Variants in MALSU1 observed in about 807,000 individuals in gnomAD.
MALSU1 encodes the protein mitochondrial assembly of ribosomal large subunit 1.
Under a neutral mutation model 22.1 loss-of-function variants are expected in MALSU1, and 22 were observed. The observed-to-expected ratio is 1.00, with a 90% CI of 0.71 to 1.42. MALSU1 has a LOEUF of 1.42. Among genes scored for constraint, MALSU1 ranks in the 40% most tolerant of loss-of-function variants. MALSU1 has a pLI of 0.00. For synonymous variants in MALSU1, 153 were observed against 118.5 expected (o/e 1.29, Z -1.89); for missense variants, 379 against 308.3 (o/e 1.23, Z -1.72).
chr7:23,303,086 G>T (rs1460831179), intron 2 of MALSU1, among the ~76,000 whole-genome samples: 1 of 152,150 alleles, frequency 6.6e-6, no homozygotes, highest in Non-Finnish European at 1.5e-5. Flanking sequence ...AAACTGTGTT[G>T]TTCAGTAGCT....
intron 3 of MALSU1, among the ~76,000 whole-genome samples, chr7:23,308,233 G>C (rs917393315): frequency 2.0e-5 from 3 of 152,184 alleles, no homozygotes; most frequent in African/African-American, 7.2e-5. Flanking sequence ...CAGGAAGGTG[G>C]TGGACAACAG....
rs562118736 is a variant in MALSU1, at chr7:23,303,838, G to T, written c.435+2821G>T. ...GAAAAAAAAAAAAAAAAAAGGCTGG[G>T]TTCACACTTGTAATCCCAGCACTTT... On this transcript the variant is annotated intron_variant, in intron 2 of 3. Transcript: ENST00000466681. Among the ~76,000 whole-genome samples, 3 of 151,066 alleles carry T rather than the reference G, an allele frequency of 2.0e-5. No individual in the cohort carries two copies. The East Asian group carries it at 5.8e-4, about 29-fold the overall frequency.
chr7:23,305,976 C>T (rs978167034), intron 2 of MALSU1, among the ~76,000 whole-genome samples: 56 of 152,280 alleles, frequency 3.7e-4, no homozygotes, highest in Non-Finnish European at 6.6e-4. Flanking sequence ...AGGCAGATCA[C>T]CTGAGATCGG....
At chr7:23,308,423 C>G (rs926179119) in intron 3 of MALSU1, among the ~76,000 whole-genome samples, 2 of 152,156 alleles carry the variant, frequency 1.3e-5, no homozygotes, top group African/African-American at 4.8e-5. Flanking sequence ...AGTTTCAAAG[C>G]ACCTCCCAAC....
chr7:23,309,746 A>AACTT lies in MALSU1; in HGVS notation c.*205_*208dup, dbSNP rs1313546391. On this transcript the variant is annotated 3_prime_UTR_variant, in exon 4 of 4. Coordinates refer to ENST00000466681, the MANE Select transcript of MALSU1 (RefSeq NM_138446.2). ...CCAAAAATCAGTACATTCTACCCAA[A>AACTT]ACTTATGACACGCTGCCTTTATCCT... The AACTT allele has an allele frequency of 1.4e-5, 5 of 354,126 alleles. No individual in the cohort carries two copies. The highest frequency in any genetic ancestry group is 4.4e-5 in the East Asian group (1 of 22,478). The allele number at this position is 354,126 out of a possible 1,614,324, so 21.9% of individuals were successfully genotyped here. A position where few individuals can be genotyped will look rare whatever the true frequency, so the allele number is the denominator to read the frequency against.
Position 23,310,357 on chromosome 7 carries a change from C to G in MALSU1, c.*814C>G, listed in dbSNP as rs1783794629. ...TATTTCTTAGCTAGTACCAGATACT[C>G]CAAATTACAAATGCTTAAGTAAAAG... On this transcript the variant is annotated 3_prime_UTR_variant, in exon 4 of 4. Transcript: ENST00000466681. 6.6e-6 allele frequency: 1 copy of G among 152,054 alleles called. No individual in the cohort carries two copies. The highest frequency in any genetic ancestry group is 1.5e-5 in the Non-Finnish European group (1 of 68,022). The allele number at this position is 152,054 out of a possible 1,614,324, so 9.4% of individuals were successfully genotyped here. A position where few individuals can be genotyped will look rare whatever the true frequency, so the allele number is the denominator to read the frequency against.
At chr7:23,307,822 TTCCCCCA>T in intron 2 of MALSU1, 39 bp from the exon 3 acceptor site, 1 of 1,254,294 alleles carries the variant, frequency 8.0e-7, no homozygotes, top group Non-Finnish European at 1.1e-6. Flanking sequence ...AAGAACAGGC[TTCCCCCA>T]TCCCCTCTCC....
intron 2 of MALSU1, among the ~76,000 whole-genome samples, chr7:23,304,733 G>T (rs1463633001): frequency 1.3e-5 from 2 of 151,992 alleles, no homozygotes; most frequent in African/African-American, 4.8e-5. Flanking sequence ...ATAGAGACAG[G>T]GTCTCACTAT....
intron 1 of MALSU1, 94 bp from the exon 2 acceptor site, chr7:23,300,745 C>G: frequency 1.8e-6 from 2 of 1,093,752 alleles, no homozygotes; most frequent in East Asian, 4.7e-5. Flanking sequence ...TCTAAACACC[C>G]TCATGGAGGA....
intron 2 of MALSU1, among the ~76,000 whole-genome samples, chr7:23,303,937 C>A (rs1783691517): frequency 6.6e-6 from 1 of 151,726 alleles, no homozygotes; most frequent in Non-Finnish European, 1.5e-5. Context: ...GAAACCCTGT[C>A]TCTATTAAAA....
In MALSU1 at chr7:23,309,490, G is replaced by A. The variant is rs1020203490; in HGVS notation, c.652G>A (p.Gly218Arg). The change falls in exon 4 of 4, where the codon GGA becomes AGA. Residue 218 changes from glycine (G) to arginine (R), a missense_variant. Coordinates refer to ENST00000466681, the MANE Select transcript of MALSU1 (RefSeq NM_138446.2). ...GACAGTACCTGAAGACTTCATTCTTGGAATAGAAGATGATACTTCATCTGT... is the reference window on the plus strand; with the variant it reads ...GACAGTACCTGAAGACTTCATTCTTAGAATAGAAGATGATACTTCATCTGT... ...PETVPEDFIL[G>R]IEDDTSSVTP... 5 of 1,611,840 alleles carry A rather than the reference G, an allele frequency of 3.1e-6. No individual in the cohort carries two copies. In the Admixed American group the frequency reaches 6.7e-5, roughly 22 times the overall value.
chr7:23,307,639 C>T, intron 2 of MALSU1: 1 of 428,010 alleles, frequency 2.3e-6, no homozygotes, highest in Non-Finnish European at 4.1e-6. Context: ...ATGGGGTGAC[C>T]CTCTCAGAAG....
Position 23,299,476 on chromosome 7 carries a change from C to A in MALSU1, c.124C>A (p.Leu42Ile), listed in dbSNP as rs768241257. Reference protein sequence around the residue: ...PGLRLLAVQRLPVGAAFCRAC... With the variant: ...PGLRLLAVQRIPVGAAFCRAC... ...GCTTCGGCTGCTGGCCGTGCAGCGG[C>A]TTCCCGTAGGAGCAGCGTTCTGCCG... The change falls in exon 1 of 4, where the codon CTT becomes ATT. Residue 42 changes from leucine (L) to isoleucine (I), a missense_variant. Leu to Ile is a conservative substitution (Grantham distance 5). Transcript: ENST00000466681. The A allele has an allele frequency of 6.2e-7, 1 of 1,610,416 alleles. No homozygotes were observed. Among genetic ancestry groups the A allele is most frequent in the Non-Finnish European group, 8.5e-7 (1 of 1,179,656 alleles).
chr7:23,308,044 A>G lies in MALSU1; in HGVS notation c.517+95A>G. On this transcript the variant is annotated intron_variant, in intron 3 of 3. Transcript: ENST00000466681. ...AAAAGGATTGAGATCAAATTGATGA[A>G]TGTATTTCCAGGTAAGATTTTTGAA... 1.0e-5 allele frequency: 10 copies of G among 966,794 alleles called. No homozygotes were observed. In the South Asian group the frequency reaches 1.2e-4, roughly 12 times the overall value. 59.9% of individuals were successfully genotyped at this position (966,794 alleles called of 1,614,324 possible). A position where few individuals can be genotyped will look rare whatever the true frequency, so the allele number is the denominator to read the frequency against.
chr7:23,299,470 C>G lies in MALSU1; in HGVS notation c.118C>G (p.Gln40Glu). ...AEPGLRLLAV[Q>E]RLPVGAAFCR... ...GCCCGGGCTTCGGCTGCTGGCCGTG[C>G]AGCGGCTTCCCGTAGGAGCAGCGTT... is the stretch of plus-strand genomic sequence containing the variant. The change falls in exon 1 of 4, where the codon CAG becomes GAG. Residue 40 changes from glutamine (Q) to glutamate (E), a missense_variant. Coordinates refer to ENST00000466681, the MANE Select transcript of MALSU1 (RefSeq NM_138446.2). 6.2e-7 allele frequency: 1 copy of G among 1,609,614 alleles called. No homozygotes were observed. The highest frequency in any genetic ancestry group is 8.5e-7 in the Non-Finnish European group (1 of 1,179,568).
At chr7:23,307,702 G>A (rs1404167157) in intron 2 of MALSU1, 166 bp from the exon 3 acceptor site, 3 of 566,892 alleles carry the variant, frequency 5.3e-6, no homozygotes, top group Non-Finnish European at 9.4e-6. Flanking sequence ...GATTTAGAGG[G>A]AGAAATAGTT....
chr7:23,307,188 TCAG>T (rs1189851400), intron 2 of MALSU1, among the ~76,000 whole-genome samples: 1 of 152,234 alleles, frequency 6.6e-6, no homozygotes, highest in Non-Finnish European at 1.5e-5. Flanking sequence ...TTCTCTAAAA[TCAG>T]TAGTGTCACT....
intron 2 of MALSU1, among the ~76,000 whole-genome samples, chr7:23,305,700 T>C (rs1029473400): frequency 2.4e-4 from 37 of 152,170 alleles, no homozygotes; most frequent in African/African-American, 8.4e-4. Flanking sequence ...AGGTTGGATT[T>C]TTCTGTTTCT....
intron 2 of MALSU1, among the ~76,000 whole-genome samples, chr7:23,304,413 G>T (rs1783696930): frequency 1.3e-5 from 2 of 152,116 alleles, no homozygotes; most frequent in Admixed American, 1.3e-4. Context: ...GTTTTTATTT[G>T]TATTTCCCTA....
Sources: gnomAD v4.1 joint callset for allele counts (sites outside exome capture counted in the v4.1 genomes callset) on GRCh38, gnomAD v4.1.1 for gene constraint, MANE v1.5 for transcripts, NCBI Gene and HGNC (gene_info 2026-07-23, HGNC 2026-07-21) for gene names.